Variants in CTNND1 observed in about 807,000 individuals in gnomAD.
CTNND1 encodes the protein catenin delta-1.
Under a neutral mutation model 112.1 loss-of-function variants are expected in CTNND1, and 16 were observed. The ratio of observed to expected loss-of-function variants is 0.14; its 90% confidence interval spans 0.10 to 0.22. The LOEUF is 0.22. CTNND1 is among the 10% of genes least tolerant of loss of function. The probability of loss-of-function intolerance (pLI) is 1.00; values close to 1 mark genes in which losing one functional copy is unlikely to be tolerated. For missense variants in CTNND1, 1,008 were observed against 1,257.0 expected (o/e 0.80, Z 3.00); for synonymous variants, 420 against 446.5 (o/e 0.94, Z 0.75).
chr11:57,807,898 A>G (rs1292427452), intron 12 of CTNND1, among the ~76,000 whole-genome samples: 2 of 152,154 alleles, frequency 1.3e-5, no homozygotes, highest in African/African-American at 2.4e-5. Flanking sequence ...AGGCAAAGCT[A>G]TGGGAGAGGA....
At chr11:57,778,858 A>G (rs181050711) in intron 1 of CTNND1, among the ~76,000 whole-genome samples, 1 of 152,328 alleles carries the variant, frequency 6.6e-6, no homozygotes, top group East Asian at 1.9e-4. Flanking sequence ...GCTCTGCTAC[A>G]GAGCTCTGCT....
chr11:57,796,355 C>T (rs928756080), intron 5 of CTNND1, 102 bp from the exon 6 acceptor site: 14 of 1,152,686 alleles, frequency 1.2e-5, no homozygotes, highest in Admixed American at 2.9e-5. Context: ...CCATTGCACT[C>T]CAGCCAGGGC....
intron 1 of CTNND1, among the ~76,000 whole-genome samples, chr11:57,770,351 A>T (rs1042778574): frequency 2.5e-4 from 38 of 151,530 alleles, no homozygotes; most frequent in Admixed American, 1.4e-3. Context: ...ATAAAAAAAA[A>T]AAAGAAAGAT....
intron 7 of CTNND1, 45 bp from the exon 8 acceptor site, chr11:57,803,576 T>C (rs372285171): frequency 3.4e-6 from 5 of 1,473,950 alleles, no homozygotes; most frequent in Middle Eastern, 1.8e-4. Context: ...TTCAGACATA[T>C]TGTCTTGAAT....
intron 1 of CTNND1, among the ~76,000 whole-genome samples, chr11:57,763,559 C>T (rs1420853283): frequency 6.6e-6 from 1 of 152,136 alleles, no homozygotes; most frequent in East Asian, 1.9e-4. Context: ...TAGGCAAAGG[C>T]TGCAGGAAAT....
At chr11:57,799,218 G>C (rs1056160944) in intron 6 of CTNND1, among the ~76,000 whole-genome samples, 2 of 152,180 alleles carry the variant, frequency 1.3e-5, no homozygotes, top group African/African-American at 4.8e-5. Flanking sequence ...CCAGACCTCG[G>C]CTGGTGCAAC....
intron 1 of CTNND1, among the ~76,000 whole-genome samples, chr11:57,775,054 C>A (rs1008101581): frequency 6.6e-6 from 1 of 150,920 alleles, no homozygotes; most frequent in Non-Finnish European, 1.5e-5. Flanking sequence ...AATTCCCAGA[C>A]TTCCCTGTAG....
intron 1 of CTNND1, among the ~76,000 whole-genome samples, chr11:57,770,669 A>T (rs897187988): frequency 1.3e-4 from 20 of 151,174 alleles, no homozygotes; most frequent in African/African-American, 4.4e-4. Flanking sequence ...ATAAAAAAAT[A>T]AAAAAAAAGA....
Position 57,796,701 on chromosome 11 carries a change from C to G in CTNND1, c.665C>G (p.Pro222Arg). 5.6e-6 allele frequency: 9 copies of G among 1,614,006 alleles called. No homozygotes were observed. The highest frequency in any genetic ancestry group is 7.6e-6 in the Non-Finnish European group (9 of 1,179,894). The change falls in exon 6 of 21, where the codon CCA becomes CGA. Residue 222 changes from proline to arginine, a missense_variant. By Grantham distance (103) the Pro-to-Arg change is moderately radical. Coordinates refer to ENST00000399050, the MANE Select transcript of CTNND1 (RefSeq NM_001085458.2). ...GYSRHYEDGYPGGSDNYGSLS... is the reference protein window; with the variant it reads ...GYSRHYEDGYRGGSDNYGSLS... ...AGTCGCCACTATGAAGATGGTTATC[C>G]AGGTGGCAGTGATAACTATGGCAGT... is the stretch of plus-strand genomic sequence containing the variant.
chr11:57,784,751 C>T (rs916259531), intron 1 of CTNND1, among the ~76,000 whole-genome samples: 1 of 152,176 alleles, frequency 6.6e-6, no homozygotes, highest in African/African-American at 2.4e-5. Context: ...AGTGATCCTC[C>T]CATCTCAGCC....
At position 57,803,970 on chromosome 11, in the gene CTNND1, A is replaced by G. The variant is rs948964512; in HGVS notation, c.1604+166A>G. 9 of 537,648 alleles carry G rather than the reference A, an allele frequency of 1.7e-5. No homozygotes were observed. The South Asian group carries it at 2.3e-4, about 14-fold the overall frequency. 33.3% of individuals were successfully genotyped at this position (537,648 alleles called of 1,614,324 possible). A position where few individuals can be genotyped will look rare whatever the true frequency, so the allele number is the denominator to read the frequency against. ...TTTCTATCTTTGTTGCTATTCTCTC[A>G]TGTATACCACATGTACCTATATCAG... On this transcript the variant is annotated intron_variant, in intron 8 of 20. Transcript: ENST00000399050.
chr11:57,806,664 G>A, intron 11 of CTNND1, 186 bp downstream of exon 11: 1 of 647,818 alleles, frequency 1.5e-6, no homozygotes, highest in Non-Finnish European at 2.7e-6. Flanking sequence ...CTGGGCAGCA[G>A]TCCCCATTAT....
At chr11:57,809,602 C>G in intron 15 of CTNND1, 136 bp downstream of exon 15, 1 of 720,804 alleles carries the variant, frequency 1.4e-6, no homozygotes, top group Non-Finnish European at 2.2e-6. Flanking sequence ...TATTATCTGT[C>G]TTAATGTTGA....
chr11:57,775,020 G>GT lies in CTNND1; in HGVS notation c.-214+12916dup, dbSNP rs776805174. On this transcript the variant is annotated intron_variant, in intron 1 of 20. Coordinates refer to ENST00000399050, the MANE Select transcript of CTNND1 (RefSeq NM_001085458.2). The stretch of plus-strand genomic sequence containing the variant: ...GAGCCACCATGCCCAGCCTATGAGG[G>GT]TTTTTTTTTTTTTTTAAGACATGAA... Among the ~76,000 whole-genome samples the GT allele has an allele frequency of 3.8e-3, 526 of 138,508 alleles. 5 individuals carry two copies. Among genetic ancestry groups the GT allele is most frequent in the East Asian group, 0.011 (54 of 4,828 alleles). The allele number at this position is 138,508 out of a possible 152,430, so 90.9% of individuals were successfully genotyped here.
chr11:57,791,824 A>G (rs1369268852), intron 3 of CTNND1, among the ~76,000 whole-genome samples, 151 bp downstream of exon 3: 1 of 152,114 alleles, frequency 6.6e-6, no homozygotes, highest in Admixed American at 6.5e-5. Flanking sequence ...TTAAATGCTG[A>G]TAAGAGACAA....
intron 16 of CTNND1, among the ~76,000 whole-genome samples, chr11:57,810,511 G>T (rs1293442805): frequency 6.6e-6 from 1 of 151,948 alleles, no homozygotes; most frequent in African/African-American, 2.4e-5. Flanking sequence ...TATATTTTTA[G>T]CAGAGATGAG....
rs1446212395 is a variant in CTNND1, at chr11:57,802,007, C to T, written c.1231C>T (p.Pro411Ser). ...KTDVRKLKGI[P>S]VLVGLLDHPK... ...TGACGTGCGGAAGCTCAAGGGCATC[C>T]CAGTACTGGTGGGATTGTTAGACCA... The change falls in exon 7 of 21, where the codon CCA becomes TCA. Residue 411 changes from proline (P) to serine (S), a missense_variant. By Grantham distance (74) the Pro-to-Ser change is moderately conservative. Coordinates refer to ENST00000399050, the MANE Select transcript of CTNND1 (RefSeq NM_001085458.2). 1.2e-6 allele frequency: 2 copies of T among 1,613,982 alleles called. No homozygotes were observed. The highest frequency in any genetic ancestry group is 1.7e-6 in the Non-Finnish European group (2 of 1,179,884).
Position 57,816,313 on chromosome 11 carries a change from A to T in CTNND1, c.*5A>T. ...TCTCCACAGCAGAAGATTTAGCACC[A>T]CTATCTCCGTTCCATCTGGGCTTAT... On this transcript the variant is annotated 3_prime_UTR_variant, in exon 21 of 21. Transcript: ENST00000399050. The T allele has an allele frequency of 6.2e-7, 1 of 1,613,464 alleles. No homozygotes were observed. The highest frequency in any genetic ancestry group is 1.1e-5 in the South Asian group (1 of 91,062).
At chr11:57,806,782 C>T (rs1322564828) in intron 11 of CTNND1, 133 bp from the exon 12 acceptor site, 18 of 755,784 alleles carry the variant, frequency 2.4e-5, no homozygotes, top group African/African-American at 5.3e-5. Flanking sequence ...AAGTTGCCCT[C>T]ACCTGCCCCT....
Sources: allele counts gnomAD v4.1 joint callset (sites outside exome capture counted in the v4.1 genomes callset), GRCh38; gene constraint gnomAD v4.1.1; transcripts MANE v1.5; gene names NCBI Gene and HGNC (gene_info 2026-07-23, HGNC 2026-07-21).